The following INSC variants were observed in gnomAD, a reference collection of about 807,000 sequenced individuals.
The protein encoded by INSC is INSC spindle orientation adaptor protein, also known as protein inscuteable homolog.
In INSC, 67 loss-of-function variants were observed where a neutral mutation model predicts 58.6. That is an observed-to-expected ratio of 1.14 (90% CI 0.94 to 1.40). The LOEUF is 1.40. Ranked by LOEUF, INSC falls within the 40% of genes most tolerant of loss-of-function variation. The probability of loss-of-function intolerance (pLI) is 0.00; values close to 1 mark genes in which losing one functional copy is unlikely to be tolerated. For missense variants in INSC, 714 were observed against 692.0 expected (o/e 1.03, Z -0.36); for synonymous variants, 262 against 276.1 (o/e 0.95, Z 0.51).
chr11:15,169,114 G>C (rs1460154793), intron 2 of INSC, among the ~76,000 whole-genome samples: 1 of 152,074 alleles, frequency 6.6e-6, no homozygotes, highest in Non-Finnish European at 1.5e-5. Flanking sequence ...TCCCAAGGAA[G>C]CTGTGGCTCA....
intron 1 of INSC, among the ~76,000 whole-genome samples, chr11:15,143,972 A>T (rs1476402277): frequency 6.6e-6 from 1 of 152,214 alleles, no homozygotes; most frequent in Non-Finnish European, 1.5e-5. Flanking sequence ...ACAAGGCCTC[A>T]GAAAGAAATC....
chr11:15,190,576 T>C, intron 5 of INSC, 125 bp from the exon 6 acceptor site: 1 of 729,014 alleles, frequency 1.4e-6, no homozygotes, highest in Non-Finnish European at 2.5e-6. Flanking sequence ...AATGAGGCAG[T>C]AGCTAGGGGC....
intron 2 of INSC, among the ~76,000 whole-genome samples, chr11:15,174,929 C>T (rs372352535): frequency 1.3e-3 from 191 of 152,302 alleles, no homozygotes; most frequent in African/African-American, 4.5e-3. Flanking sequence ...TATCAATGAT[C>T]TGATATTACT....
chr11:15,187,740 C>G lies in INSC; in HGVS notation c.580-2961C>G, dbSNP rs563914329. 3.3e-5 allele frequency among the ~76,000 whole-genome samples: 5 copies of G among 152,226 alleles called. No homozygotes were observed. The South Asian group carries it at 1.0e-3, about 32-fold the overall frequency. On this transcript the variant is annotated intron_variant, in intron 5 of 12. Transcript: ENST00000379556. Reference sequence around the variant, plus strand: ...TTTTGTTTCATATCTGCCTAGTATGCATTTTAAGAAAATGTTTGTCATTCA... The same window carrying G: ...TTTTGTTTCATATCTGCCTAGTATGGATTTTAAGAAAATGTTTGTCATTCA...
At chr11:15,201,233 T>C (rs1850579683) in intron 7 of INSC, among the ~76,000 whole-genome samples, 1 of 152,008 alleles carries the variant, frequency 6.6e-6, no homozygotes, top group Admixed American at 6.5e-5. Flanking sequence ...GGGTGGATCA[T>C]GGTAGGAGGC....
At chr11:15,258,678 A>C in the INSC span, among the ~76,000 whole-genome samples, 1 of 152,148 alleles carries the variant, frequency 6.6e-6, no homozygotes, top group Admixed American at 6.5e-5. Flanking sequence ...TTCCTGGTGT[A>C]AGTTAGAACC....
At chr11:15,249,724 G>A (rs1852629928), downstream of INSC, among the ~76,000 whole-genome samples, 3 of 152,202 alleles carry the variant, frequency 2.0e-5, no homozygotes, top group Admixed American at 6.5e-5. Context: ...AAAGGTAGAA[G>A]AGTCTCCATC....
At chr11:15,118,974 A>G (rs569633236) in intron 1 of INSC, among the ~76,000 whole-genome samples, 14 of 152,372 alleles carry the variant, frequency 9.2e-5, no homozygotes, top group Admixed American at 8.5e-4. Context: ...AGGCTAAACA[A>G]CTAGCCCAAG....
chr11:15,153,263 AACACTTT>A (rs1402871630), intron 2 of INSC, among the ~76,000 whole-genome samples: 8 of 152,314 alleles, frequency 5.3e-5, no homozygotes, highest in Admixed American at 3.3e-4. Flanking sequence ...CTGTGAGTGA[AACACTTT>A]TTCACATGGT....
the INSC span, among the ~76,000 whole-genome samples, chr11:15,260,780 A>G: frequency 6.6e-6 from 1 of 152,194 alleles, no homozygotes; most frequent in Admixed American, 6.6e-5. Context: ...CCAGATGCAT[A>G]AACACATGAT....
chr11:15,133,011 G>A (rs1388717484), intron 1 of INSC, among the ~76,000 whole-genome samples: 1 of 152,054 alleles, frequency 6.6e-6, no homozygotes, highest in Non-Finnish European at 1.5e-5. Flanking sequence ...GGATTCATTG[G>A]GATTTCTGAA....
intron 7 of INSC, among the ~76,000 whole-genome samples, chr11:15,218,621 C>A (rs567621378): frequency 1.3e-5 from 2 of 151,502 alleles, no homozygotes; most frequent in Admixed American, 1.3e-4. Flanking sequence ...AATGAGTTAC[C>A]AAAAGAGATC....
intron 1 of INSC, among the ~76,000 whole-genome samples, chr11:15,134,720 C>G (rs1325423687): frequency 6.6e-6 from 1 of 152,088 alleles, no homozygotes; most frequent in Non-Finnish European, 1.5e-5. Context: ...TTGCTATGAC[C>G]CCCCAATATT....
In INSC at chr11:15,235,596, T is replaced by C; in HGVS notation, c.1171-6T>C. On this transcript the variant is annotated splice_region_variant and splice_polypyrimidine_tract_variant and intron_variant, in intron 9 of 12. Coordinates refer to ENST00000379556, the MANE Select transcript of INSC (RefSeq NM_001042536.3). Reference sequence around the variant, plus strand: ...TTTTCTGAGGTTTCTAAATTATCTTTTCCAGATTGTGACCATCTTGGCAAA... The same window carrying C: ...TTTTCTGAGGTTTCTAAATTATCTTCTCCAGATTGTGACCATCTTGGCAAA... The C allele has an allele frequency of 6.2e-7, 1 of 1,612,710 alleles. No individual in the cohort carries two copies. The highest frequency in any genetic ancestry group is 8.5e-7 in the Non-Finnish European group (1 of 1,178,708).
At chr11:15,188,901 G>A (rs770339682) in intron 5 of INSC, among the ~76,000 whole-genome samples, 1 of 152,180 alleles carries the variant, frequency 6.6e-6, no homozygotes, top group Non-Finnish European at 1.5e-5. Context: ...TTGTGGTAAT[G>A]GTGGGGAAGA....
At chr11:15,182,843 G>GT (rs1161661423) in intron 5 of INSC, among the ~76,000 whole-genome samples, 8 of 151,934 alleles carry the variant, frequency 5.3e-5, no homozygotes, top group South Asian at 2.1e-4. Context: ...AATTCACTGA[G>GT]TTTTTTATAG....
chr11:15,248,024 G>T (rs1852610666), downstream of INSC, among the ~76,000 whole-genome samples: 1 of 152,088 alleles, frequency 6.6e-6, no homozygotes, highest in South Asian at 2.1e-4. Context: ...GTTCTTTCAA[G>T]TAAAGGTAGT....
upstream of INSC, among the ~76,000 whole-genome samples, chr11:15,114,157 G>A (rs1478683327): frequency 6.7e-6 from 1 of 148,308 alleles, no homozygotes; most frequent in African/African-American, 2.5e-5. Flanking sequence ...TGATCTGGAA[G>A]CTTTCTTCCA....
chr11:15,258,374 A>G, the INSC span, among the ~76,000 whole-genome samples: 1 of 152,180 alleles, frequency 6.6e-6, no homozygotes, highest in Non-Finnish European at 1.5e-5. Flanking sequence ...GCTGGCATAG[A>G]GAGAGATTTA....
Sources: allele counts gnomAD v4.1 joint callset (sites outside exome capture counted in the v4.1 genomes callset), GRCh38; gene constraint gnomAD v4.1.1; transcripts MANE v1.5; gene names NCBI Gene and HGNC (gene_info 2026-07-23, HGNC 2026-07-21).